Variants in GRIP1 observed in about 807,000 individuals in gnomAD.
The protein encoded by GRIP1 is glutamate receptor-interacting protein 1.
GRIP1 carries 45 observed loss-of-function variants against 129.9 expected under a neutral mutation model. The observed-to-expected ratio is 0.35, with a 90% CI of 0.27 to 0.44. The LOEUF is 0.44. Among genes scored for constraint, GRIP1 ranks in the 20% least tolerant of loss-of-function variants. The probability of loss-of-function intolerance (pLI) is 1.00; values close to 1 mark genes in which losing one functional copy is unlikely to be tolerated. For synonymous variants in GRIP1, 530 were observed against 520.8 expected (o/e 1.02, Z -0.24); for missense variants, 1,196 against 1,396.8 (o/e 0.86, Z 2.29).
chr12:66,394,398 C>T, intron 16 of GRIP1, 46 bp from the exon 17 acceptor site: 1 of 1,545,886 alleles, frequency 6.5e-7, no homozygotes, highest in Non-Finnish European at 8.9e-7. Context: ...TTGGAAAAAG[C>T]AAAAGAGTAA....
chr12:66,811,841 G>T lies in GRIP1; in HGVS notation c.59-214914C>A, dbSNP rs184845369. Among the ~76,000 whole-genome samples, 15 of 152,092 alleles carry T rather than the reference G, an allele frequency of 9.9e-5. No homozygotes were observed. The East Asian group carries it at 2.9e-3, about 29-fold the overall frequency. On this transcript the variant is annotated intron_variant, in intron 1 of 1. Coordinates refer to the GRIP1 transcript ENST00000643019. ...ATTTGGCTACAGGAACATTTTCTTG[G>T]TATTTAAATTTGTTCCTGTGGTCTC...
At chr12:66,465,542 G>T in intron 7 of GRIP1, 120 bp from the exon 8 acceptor site, 1 of 830,128 alleles carries the variant, frequency 1.2e-6, no homozygotes, top group Non-Finnish European at 2.0e-6. Context: ...CTGAAACTTA[G>T]ATTTCCCTCC....
At position 66,445,231 on chromosome 12, in the gene GRIP1, G is replaced by A. The variant is rs542898897; in HGVS notation, c.1541+91C>T. ...CATCATATCTTGCATTTCCTGCATT[G>A]AGCAATGTTTCATAATTTACTAGCC... On this transcript the variant is annotated intron_variant, in intron 12 of 24. Transcript: ENST00000359742. 16 of 1,012,470 alleles carry A rather than the reference G, an allele frequency of 1.6e-5. No homozygotes were observed. In the African/African-American group the frequency reaches 1.9e-4, roughly 12 times the overall value. The allele number at this position is 1,012,470 out of a possible 1,614,324, so 62.7% of individuals were successfully genotyped here.
intron 16 of GRIP1, among the ~76,000 whole-genome samples, chr12:66,405,119 G>A (rs1248081724): frequency 2.6e-5 from 4 of 152,220 alleles, no homozygotes; most frequent in Non-Finnish European, 4.4e-5. Context: ...AATCTAGGTG[G>A]AGGAAGAATT....
intron 19 of GRIP1, among the ~76,000 whole-genome samples, chr12:66,389,160 T>G (rs568587577): frequency 6.6e-6 from 1 of 152,298 alleles, no homozygotes; most frequent in South Asian, 2.1e-4. Context: ...GTTGGAGAGA[T>G]AAGCTGTATC....
intron 1 of GRIP1, among the ~76,000 whole-genome samples, chr12:66,981,677 T>C (rs944937301): frequency 2.6e-5 from 4 of 152,192 alleles, no homozygotes; most frequent in Non-Finnish European, 5.9e-5. Flanking sequence ...AGACAGTTTA[T>C]AAAGATAAAG....
At chr12:66,529,808 A>G in intron 5 of GRIP1, 23 bp downstream of exon 5, 2 of 1,289,324 alleles carry the variant, frequency 1.6e-6, no homozygotes, top group Non-Finnish European at 2.3e-6. Context: ...TTTTTAAAGT[A>G]GATTTTTCTA....
At chr12:67,055,974 A>G (rs1375159130) in intron 1 of GRIP1, among the ~76,000 whole-genome samples, 1 of 152,204 alleles carries the variant, frequency 6.6e-6, no homozygotes, top group Non-Finnish European at 1.5e-5. Flanking sequence ...TGATCTGTCT[A>G]AGGGGGAGCT....
chr12:66,472,513 T>C (rs984087025), intron 7 of GRIP1, among the ~76,000 whole-genome samples: 1 of 152,200 alleles, frequency 6.6e-6, no homozygotes, highest in African/African-American at 2.4e-5. Flanking sequence ...TACAAAAATA[T>C]TGAGTTATCT....
At chr12:66,903,622 T>C (rs1439074752) in intron 1 of GRIP1, among the ~76,000 whole-genome samples, 1 of 152,200 alleles carries the variant, frequency 6.6e-6, no homozygotes, top group Non-Finnish European at 1.5e-5. Flanking sequence ...AAACCACAGA[T>C]ATCAAGTAAT....
intron 1 of GRIP1, among the ~76,000 whole-genome samples, chr12:66,965,178 A>T (rs1383234229): frequency 6.6e-6 from 1 of 152,058 alleles, no homozygotes; most frequent in Non-Finnish European, 1.5e-5. Context: ...GTGGCCCTAA[A>T]AAACTCCCCA....
At chr12:66,385,996 T>C (rs2056341452) in intron 19 of GRIP1, among the ~76,000 whole-genome samples, 1 of 152,216 alleles carries the variant, frequency 6.6e-6, no homozygotes, top group African/African-American at 2.4e-5. Context: ...CTTTGTATCC[T>C]AATAGGAGGT....
chr12:66,934,832 A>G (rs2041458509), intron 1 of GRIP1, among the ~76,000 whole-genome samples: 1 of 152,238 alleles, frequency 6.6e-6, no homozygotes, highest in Non-Finnish European at 1.5e-5. Flanking sequence ...GCAACTGAAC[A>G]AATATCTGTT....
intron 7 of GRIP1, 64 bp downstream of exon 7, chr12:66,515,555 T>C: frequency 7.0e-7 from 1 of 1,435,718 alleles, no homozygotes; most frequent in Non-Finnish European, 9.8e-7. Context: ...TCCAACATGG[T>C]TTATCAGGGA....
intron 22 of GRIP1, chr12:66,372,240 T>C (rs1201163345): frequency 4.5e-6 from 2 of 443,400 alleles, no homozygotes; most frequent in East Asian, 9.6e-5. Context: ...AACTACATTT[T>C]AAGCATTCAC....
chr12:66,934,990 T>A (rs974323918), intron 1 of GRIP1, among the ~76,000 whole-genome samples: 1 of 152,220 alleles, frequency 6.6e-6, no homozygotes, highest in African/African-American at 2.4e-5. Flanking sequence ...GATTTAAATG[T>A]GTCTACAATG....
At chr12:66,892,519 G>T (rs1839759909) in intron 1 of GRIP1, among the ~76,000 whole-genome samples, 1 of 152,020 alleles carries the variant, frequency 6.6e-6, no homozygotes, top group African/African-American at 2.4e-5. Flanking sequence ...GCTGGCATTG[G>T]TACAATACTT....
At chr12:67,062,763 GC>G (rs2043556813) in intron 1 of GRIP1, among the ~76,000 whole-genome samples, 1 of 152,106 alleles carries the variant, frequency 6.6e-6, no homozygotes, top group African/African-American at 2.4e-5. Context: ...GTGGTCTTGG[GC>G]ACATTTCTCT....
intron 1 of GRIP1, among the ~76,000 whole-genome samples, chr12:66,856,166 C>A (rs1171912215): frequency 6.6e-6 from 1 of 152,008 alleles, no homozygotes; most frequent in South Asian, 2.1e-4. Context: ...ACTGGCTAGC[C>A]ATATGTAGAA....
Sources: allele counts gnomAD v4.1 joint callset (sites outside exome capture counted in the v4.1 genomes callset), GRCh38; gene constraint gnomAD v4.1.1; transcripts MANE v1.5; gene names NCBI Gene and HGNC (gene_info 2026-07-23, HGNC 2026-07-21).